Variants in DEPDC1B observed in about 807,000 individuals in gnomAD.
DEPDC1B encodes the protein DEP domain-containing protein 1B.
Under a neutral mutation model 66.5 loss-of-function variants are expected in DEPDC1B, and 51 were observed. That is an observed-to-expected ratio of 0.77 (90% CI 0.61 to 0.97). The LOEUF is 0.97. Among genes scored for constraint, DEPDC1B ranks in the 50% least tolerant of loss-of-function variants. DEPDC1B has a pLI of 0.00. For synonymous variants in DEPDC1B, 226 were observed against 223.6 expected, an observed-to-expected ratio of 1.01 and a Z score of -0.10; for missense variants, 552 against 637.1, an observed-to-expected ratio of 0.87 and a Z score of 1.44.
intron 7 of DEPDC1B, among the ~76,000 whole-genome samples, chr5:60,637,629 C>T (rs1753073818): frequency 6.6e-6 from 1 of 152,134 alleles, no homozygotes; most frequent in Admixed American, 6.5e-5. Context: ...CATCATTAGC[C>T]ATGATGCTCA....
At chr5:60,700,014 T>C in intron 1 of DEPDC1B, 32 bp downstream of exon 1, 2 of 1,547,780 alleles carry the variant, frequency 1.3e-6, no homozygotes, top group Non-Finnish European at 1.7e-6. Flanking sequence ...CGGCACCGGG[T>C]GCTCCGCCCA....
At chr5:60,667,740 GGATATTTTACATA>G (rs1753893248) in intron 2 of DEPDC1B, among the ~76,000 whole-genome samples, 14 of 128,900 alleles carry the variant, frequency 1.1e-4, no homozygotes, top group African/African-American at 4.0e-4. Flanking sequence ...TATAAAAAAT[GGATATTTTACATA>G]TATATAAAAA....
intron 1 of DEPDC1B, among the ~76,000 whole-genome samples, chr5:60,698,698 G>T (rs543668057): frequency 7.0e-6 from 1 of 143,566 alleles, no homozygotes; most frequent in Admixed American, 7.2e-5. Context: ...ATGGAGTTTC[G>T]CTCGTTGCCC....
rs1303363915 is a variant in DEPDC1B at position 60,644,755 on chromosome 5, A to C, written c.699T>G (p.Asp233Glu). The change falls in exon 5 of 11, where the codon GAT becomes GAG. Residue 233 changes from aspartate to glutamate, a missense_variant. Asp to Glu is a conservative substitution (Grantham distance 45). Transcript: ENST00000265036. ...TATTTATGCACTTACTTGACTTGTC[A>C]TCAAGAATAACAACTCCCTGCTTGC... ...SVSKQGVVIL[D>E]DKSKELPHWV... The C allele has an allele frequency of 1.9e-6, 3 of 1,592,270 alleles. No individual in the cohort carries two copies. The highest frequency in any genetic ancestry group is 1.7e-4 in the Middle Eastern group (1 of 5,956).
chr5:60,651,568 A>T (rs995244694), intron 2 of DEPDC1B, among the ~76,000 whole-genome samples: 37 of 152,230 alleles, frequency 2.4e-4, no homozygotes, highest in Non-Finnish European at 4.6e-4. Flanking sequence ...AACTAAAAAA[A>T]ACTACAATGG....
intron 2 of DEPDC1B, among the ~76,000 whole-genome samples, chr5:60,683,491 C>A (rs1242100480): frequency 6.6e-6 from 1 of 151,892 alleles, no homozygotes; most frequent in East Asian, 1.9e-4. Context: ...ATATACATCA[C>A]AACAACAGAA....
At chr5:60,618,402 A>C (rs1752616444) in intron 7 of DEPDC1B, among the ~76,000 whole-genome samples, 1 of 152,230 alleles carries the variant, frequency 6.6e-6, no homozygotes, top group Admixed American at 6.5e-5. Context: ...AAGACTAATA[A>C]AGAAGAAAAG....
intron 7 of DEPDC1B, 91 bp downstream of exon 7, chr5:60,638,659 G>C (rs764062732): frequency 4.0e-5 from 52 of 1,292,414 alleles, no homozygotes; most frequent in Non-Finnish European, 4.9e-5. Flanking sequence ...AAAATGGCAT[G>C]AGTTTTGGCT....
Position 60,613,828 on chromosome 5 carries a change from G to GTA in DEPDC1B, c.899-7974_899-7973dup, listed in dbSNP as rs145523827. Among the ~76,000 whole-genome samples the GTA allele has an allele frequency of 4.9e-3, 712 of 144,464 alleles. 12 individuals are homozygous for GTA. The highest frequency in any genetic ancestry group is 0.013 in the African/African-American group (488 of 38,156). 94.8% of individuals were successfully genotyped at this position (144,464 alleles called of 152,430 possible). ...TGTGTGTGTGTGTGTGTGTGTGTGT[G>GTA]TATACATAAAAAACAGATGTAGGGT... On this transcript the variant is annotated intron_variant, in intron 7 of 10. Coordinates refer to ENST00000265036, the MANE Select transcript of DEPDC1B (RefSeq NM_018369.3).
At position 60,654,985 on chromosome 5, in the gene DEPDC1B, A is replaced by G. The variant is rs1411071432; in HGVS notation, c.315-7452T>C. 4.0e-5 allele frequency among the ~76,000 whole-genome samples: 6 copies of G among 149,172 alleles called. 2 individuals are homozygous for G. Among genetic ancestry groups the G allele is most frequent in the Admixed American group, 1.3e-4 (2 of 15,022 alleles). On this transcript the variant is annotated intron_variant, in intron 2 of 10. Coordinates refer to ENST00000265036, the MANE Select transcript of DEPDC1B (RefSeq NM_018369.3). ...TCCCTGATATGAAACCCAATTGACC[A>G]TGGTGGATTATCTTTTTGATATGCT...
chr5:60,619,928 G>C (rs193255225), intron 7 of DEPDC1B, among the ~76,000 whole-genome samples: 1 of 152,232 alleles, frequency 6.6e-6, no homozygotes, highest in African/African-American at 2.4e-5. Flanking sequence ...CATGGTACTG[G>C]TACCAAAACA....
intron 2 of DEPDC1B, among the ~76,000 whole-genome samples, chr5:60,667,444 G>GGATATTTTACATATATACAAAAAATA: frequency 7.0e-6 from 1 of 142,318 alleles, no homozygotes; most frequent in Admixed American, 7.0e-5. Flanking sequence ...TACAAAAAAT[G>GGATATTTTACATATATACAAAAAATA]GATATTTTAC....
At chr5:60,614,982 C>A (rs1752508979) in intron 7 of DEPDC1B, among the ~76,000 whole-genome samples, 1 of 152,054 alleles carries the variant, frequency 6.6e-6, no homozygotes, top group African/African-American at 2.4e-5. Flanking sequence ...CAGAGCAAGA[C>A]CCTGTCTCAA....
At chr5:60,662,806 C>T (rs1187985362) in intron 2 of DEPDC1B, among the ~76,000 whole-genome samples, 2 of 152,130 alleles carry the variant, frequency 1.3e-5, no homozygotes, top group African/African-American at 4.8e-5. Context: ...GGACAAGTGC[C>T]AGCCCATGCC....
At chr5:60,637,494 A>T (rs180917057) in intron 7 of DEPDC1B, among the ~76,000 whole-genome samples, 7 of 152,092 alleles carry the variant, frequency 4.6e-5, no homozygotes, top group African/African-American at 1.7e-4. Context: ...AGCCAATTAA[A>T]CCTCTTTTCT....
chr5:60,654,592 C>T (rs954014072), intron 2 of DEPDC1B, among the ~76,000 whole-genome samples: 2 of 148,772 alleles, frequency 1.3e-5, no homozygotes, highest in Admixed American at 6.7e-5. Context: ...GTTTGACTTC[C>T]GCTTTACCAA....
chr5:60,655,775 A>T (rs1199996028), intron 2 of DEPDC1B, among the ~76,000 whole-genome samples: 1 of 148,868 alleles, frequency 6.7e-6, no homozygotes, highest in Non-Finnish European at 1.5e-5. Flanking sequence ...TTTTCCTCTT[A>T]GTACTGCTTT....
intron 1 of DEPDC1B, among the ~76,000 whole-genome samples, chr5:60,699,136 T>C (rs1026737936): frequency 2.0e-5 from 3 of 152,130 alleles, no homozygotes; most frequent in African/African-American, 7.2e-5. Context: ...GGAAACTCTA[T>C]TTACATTATC....
In DEPDC1B at chr5:60,599,162, G is replaced by C. The variant is rs1415690378; in HGVS notation, c.1341C>G (p.Gly447=). Reference sequence around the variant, plus strand: ...ACAAGGCTGCCAGAGGTTCCTGAGAGCCATATGATCTTTGATATTCAAATT... The same window carrying C: ...ACAAGGCTGCCAGAGGTTCCTGAGACCCATATGATCTTTGATATTCAAATT... ...PEEFEYQRSY[G]SQEPLAALLE... The change falls in exon 10 of 11, where the codon GGC becomes GGG. Residue 447 remains glycine, a synonymous_variant. Coordinates refer to ENST00000265036, the MANE Select transcript of DEPDC1B (RefSeq NM_018369.3). 1.9e-6 allele frequency: 3 copies of C among 1,613,548 alleles called. No homozygotes were observed. The African/African-American group carries it at 4.0e-5, about 22-fold the overall frequency.
Sources: gnomAD v4.1 joint callset for allele counts (sites outside exome capture counted in the v4.1 genomes callset) on GRCh38, gnomAD v4.1.1 for gene constraint, MANE v1.5 for transcripts, NCBI Gene and HGNC (gene_info 2026-07-23, HGNC 2026-07-21) for gene names.